EPB41L4A: variants seen among roughly 807,000 people sequenced by gnomAD.
EPB41L4A encodes the protein band 4.1-like protein 4A.
EPB41L4A carries 100 observed loss-of-function variants against 108.6 expected under a neutral mutation model. The ratio of observed to expected loss-of-function variants is 0.92; its 90% confidence interval spans 0.78 to 1.09. The LOEUF is 1.09. EPB41L4A is among the 50% of genes least tolerant of loss of function. EPB41L4A has a pLI of 0.00. For missense variants in EPB41L4A, 1,030 were observed against 842.7 expected, an observed-to-expected ratio of 1.22 and a Z score of -2.75; for synonymous variants, 319 against 289.0, an observed-to-expected ratio of 1.10 and a Z score of -1.05.
At chr5:112,316,489 AGGG>A (rs1755437765) in intron 1 of EPB41L4A, among the ~76,000 whole-genome samples, 1 of 152,136 alleles carries the variant, frequency 6.6e-6, no homozygotes, top group Admixed American at 6.6e-5. Context: ...ACTCCTTCCC[AGGG>A]GAGGCACTGT....
At chr5:112,280,887 C>T (rs2150507515) in intron 2 of EPB41L4A, among the ~76,000 whole-genome samples, 1 of 152,314 alleles carries the variant, frequency 6.6e-6, no homozygotes, top group South Asian at 2.1e-4. Context: ...CTTCCTAATA[C>T]GTCCTCACCA....
chr5:112,154,932 C>T (rs1438654190), intron 12 of EPB41L4A, among the ~76,000 whole-genome samples: 7 of 152,076 alleles, frequency 4.6e-5, no homozygotes, highest in Admixed American at 3.9e-4. Flanking sequence ...GAACAACTTC[C>T]TAACAACAAA....
intron 12 of EPB41L4A, among the ~76,000 whole-genome samples, chr5:112,226,067 A>AT (rs1477352765): frequency 6.6e-6 from 1 of 152,130 alleles, no homozygotes; most frequent in African/African-American, 2.4e-5. Context: ...TTCATAGCAG[A>AT]TACTGTGGGA....
chr5:112,171,100 G>A (rs1275838481), intron 18 of EPB41L4A, 108 bp from the exon 19 acceptor site: 2 of 963,976 alleles, frequency 2.1e-6, no homozygotes, highest in African/African-American at 1.6e-5. Flanking sequence ...TGCCAGCTGA[G>A]AACAGACAAG....
chr5:112,230,814 G>A (rs1412128608), intron 12 of EPB41L4A, among the ~76,000 whole-genome samples: 1 of 152,162 alleles, frequency 6.6e-6, no homozygotes, highest in Non-Finnish European at 1.5e-5. Context: ...CCAATGTCTA[G>A]AAGAGTTTTA....
intron 18 of EPB41L4A, among the ~76,000 whole-genome samples, chr5:112,172,560 C>G (rs1365297376): frequency 6.6e-6 from 1 of 151,636 alleles, no homozygotes; most frequent in East Asian, 1.9e-4. Context: ...ATAGAAACTG[C>G]TTCCTTGGTG....
chr5:112,168,855 ACAGTATCTAGAAT>A (rs746617620), intron 21 of EPB41L4A, 35 bp from the exon 22 acceptor site: 6 of 1,560,344 alleles, frequency 3.8e-6, no homozygotes, highest in Middle Eastern at 3.4e-4. Flanking sequence ...AGTGACTGGA[ACAGTATCTAGAAT>A]CATAAATTAA....
chr5:112,300,624 C>T (rs1465267720), intron 2 of EPB41L4A, among the ~76,000 whole-genome samples: 2 of 152,098 alleles, frequency 1.3e-5, no homozygotes, highest in African/African-American at 4.8e-5. Flanking sequence ...GACAATGTGC[C>T]TAGGTAATGA....
chr5:112,156,568 A>G (rs2112821701), intron 12 of EPB41L4A, among the ~76,000 whole-genome samples: 1 of 152,312 alleles, frequency 6.6e-6, no homozygotes, highest in Admixed American at 6.5e-5. Flanking sequence ...CATCTCCTTT[A>G]CTCAGTTTAT....
At chr5:112,169,857 A>G (rs1245879493) in intron 20 of EPB41L4A, among the ~76,000 whole-genome samples, 1 of 152,168 alleles carries the variant, frequency 6.6e-6, no homozygotes, top group Non-Finnish European at 1.5e-5. Context: ...GTCAACAGGT[A>G]CGGTTCCTCT....
At chr5:112,355,326 C>T (rs1758297446) in intron 1 of EPB41L4A, among the ~76,000 whole-genome samples, 1 of 152,334 alleles carries the variant, frequency 6.6e-6, no homozygotes, top group Middle Eastern at 3.4e-3. Flanking sequence ...GATGAATCCA[C>T]TATCTTCAGA....
chr5:112,419,505 C>G, upstream of EPB41L4A: 1 of 384,016 alleles, frequency 2.6e-6, no homozygotes, highest in Non-Finnish European at 5.2e-6. Context: ...GCGGCCCCGA[C>G]GTCCTGGCGT....
At chr5:112,314,797 A>C (rs1418030095) in intron 1 of EPB41L4A, among the ~76,000 whole-genome samples, 1 of 152,274 alleles carries the variant, frequency 6.6e-6, no homozygotes, top group Non-Finnish European at 1.5e-5. Flanking sequence ...CATCTCAAAA[A>C]AAAAAGAAAA....
At position 112,170,129 on chromosome 5, in the gene EPB41L4A, A is replaced by G. The variant is rs1760490240; in HGVS notation, c.1739+172T>C. On this transcript the variant is annotated intron_variant, in intron 20 of 22. Coordinates refer to ENST00000261486, the MANE Select transcript of EPB41L4A (RefSeq NM_022140.5). Reference sequence around the variant, plus strand: ...TAAGAGATGATAGTGATTATAGTGTAGAATAAGTAGCTTTAATGCACACTT... The same window carrying G: ...TAAGAGATGATAGTGATTATAGTGTGGAATAAGTAGCTTTAATGCACACTT... 4 of 637,642 alleles carry G rather than the reference A, an allele frequency of 6.3e-6. No homozygotes were observed. The East Asian group carries it at 1.2e-4, about 18-fold the overall frequency. 39.5% of individuals were successfully genotyped at this position (637,642 alleles called of 1,614,324 possible).
intron 1 of EPB41L4A, among the ~76,000 whole-genome samples, chr5:112,357,700 T>A (rs1424229691): frequency 2.0e-5 from 3 of 152,194 alleles, no homozygotes; most frequent in Non-Finnish European, 4.4e-5. Flanking sequence ...TGGCCAGAAT[T>A]ATGGCTTTAC....
At chr5:112,355,732 C>G (rs944634607) in intron 1 of EPB41L4A, among the ~76,000 whole-genome samples, 2 of 152,190 alleles carry the variant, frequency 1.3e-5, no homozygotes, top group Non-Finnish European at 2.9e-5. Flanking sequence ...CCCAGGGATG[C>G]TCTTCTTAGA....
intron 1 of EPB41L4A, among the ~76,000 whole-genome samples, chr5:112,314,505 T>TTA (rs1755282831): frequency 3.6e-5 from 2 of 55,186 alleles, no homozygotes; most frequent in Non-Finnish European, 6.1e-5. Flanking sequence ...CCATCGCTAC[T>TTA]AAAAAAAAAA....
At chr5:112,203,874 T>C (rs752664750) in intron 15 of EPB41L4A, among the ~76,000 whole-genome samples, 25 of 151,892 alleles carry the variant, frequency 1.6e-4, no homozygotes, top group Non-Finnish European at 3.1e-4. Context: ...AAACCCCTAC[T>C]AAAAATACAA....
intron 1 of EPB41L4A, among the ~76,000 whole-genome samples, chr5:112,413,401 T>C (rs1762524612): frequency 6.6e-6 from 1 of 152,150 alleles, no homozygotes; most frequent in South Asian, 2.1e-4. Flanking sequence ...AAAAATAAAA[T>C]AGCAAAGGAA....
Sources: allele counts gnomAD v4.1 joint callset (sites outside exome capture counted in the v4.1 genomes callset), GRCh38; gene constraint gnomAD v4.1.1; transcripts MANE v1.5; gene names NCBI Gene and HGNC (gene_info 2026-07-23, HGNC 2026-07-21).